PALMD: variants seen among roughly 807,000 people sequenced by gnomAD.
The protein encoded by PALMD is palmdelphin.
A neutral mutation model predicts 56.2 loss-of-function variants in PALMD; 42 were observed. The observed-to-expected ratio is 0.75, with a 90% confidence interval of 0.58 to 0.97. PALMD has a LOEUF of 0.97. Among genes scored for constraint, PALMD ranks in the 50% least tolerant of loss-of-function variants. PALMD has a pLI of 0.00. For synonymous variants in PALMD, 242 were observed against 222.9 expected (o/e 1.09, Z -0.76); for missense variants, 660 against 643.8 (o/e 1.03, Z -0.27).
chr1:99,670,042 A>T (rs1315013611), intron 3 of PALMD, among the ~76,000 whole-genome samples: 1 of 152,238 alleles, frequency 6.6e-6, no homozygotes, highest in Non-Finnish European at 1.5e-5. Flanking sequence ...GATGGCACAC[A>T]GCAGCCTCTG....
rs112834659 is a variant in PALMD at position 99,675,901 on chromosome 1, T to A, written c.251+8135T>A. On this transcript the variant is annotated intron_variant, in intron 3 of 7. Transcript: ENST00000263174. ...AAATTAGGATACTATCATCTGCCCA[T>A]AAGATAATTATTAATATTTGCAGAG... 5.9e-3 allele frequency among the ~76,000 whole-genome samples: 891 copies of A among 152,274 alleles called. 8 individuals are homozygous for A. Among genetic ancestry groups the A allele is most frequent in the African/African-American group, 0.021 (855 of 41,564 alleles).
chr1:99,689,465 C>A lies in PALMD; in HGVS notation c.1205C>A (p.Ser402Tyr), dbSNP rs774542351. The A allele has an allele frequency of 6.2e-7, 1 of 1,613,702 alleles. No individual in the cohort carries two copies. Among genetic ancestry groups the A allele is most frequent in the East Asian group, 2.2e-5 (1 of 44,854 alleles). Residue 402 changes from serine to tyrosine, a missense_variant, in exon 7 of 8, where the codon TCC becomes TAC. By Grantham distance (144) the Ser-to-Tyr change is moderately radical (BLOSUM62 -2). Transcript: ENST00000263174. ...GATGTCAGATATAATATCGTTCATTCCCTGCCTCCAGACATAAATGATACA... is the reference window on the plus strand; with the variant it reads ...GATGTCAGATATAATATCGTTCATTACCTGCCTCCAGACATAAATGATACA... ...EEDVRYNIVH[S>Y]LPPDINDTEP... is the part of the protein sequence containing the mutation.
rs1249594474 is a variant in PALMD at position 99,667,713 on chromosome 1, G to A, written c.198G>A (p.Lys66=). The A allele has an allele frequency of 6.2e-7, 1 of 1,613,454 alleles. No homozygotes were observed. The highest frequency in any genetic ancestry group is 8.5e-7 in the Non-Finnish European group (1 of 1,179,686). Residue 66 remains lysine, a synonymous_variant, in exon 3 of 8, where the codon AAG becomes AAA. Coordinates refer to ENST00000263174, the MANE Select transcript of PALMD (RefSeq NM_017734.5). Reference sequence around the variant, plus strand: ...GAAAAGAACAGGAAGAGATGAAGAAGCAAAATCAACAAGACCAGCACCAGA... The same window carrying A: ...GAAAAGAACAGGAAGAGATGAAGAAACAAAATCAACAAGACCAGCACCAGA... ...SSGKEQEEMK[K]QNQQDQHQIQ...
chr1:99,676,901 C>A (rs1483012035), intron 3 of PALMD, among the ~76,000 whole-genome samples: 1 of 152,128 alleles, frequency 6.6e-6, no homozygotes, highest in Non-Finnish European at 1.5e-5. Context: ...ATATCTTTAA[C>A]CTCTGACCCA....
intron 2 of PALMD, among the ~76,000 whole-genome samples, chr1:99,664,243 A>T (rs1357908102): frequency 6.6e-6 from 1 of 152,208 alleles, no homozygotes; most frequent in Non-Finnish European, 1.5e-5. Flanking sequence ...AATAAACAAG[A>T]TAAATGATAG....
At chr1:99,680,064 C>T (rs1370266816) in intron 3 of PALMD, among the ~76,000 whole-genome samples, 1 of 152,152 alleles carries the variant, frequency 6.6e-6, no homozygotes, top group Admixed American at 6.6e-5. Context: ...TCTGTTTGGC[C>T]CCTAATGGCA....
chr1:99,665,490 T>G (rs1183237749), intron 2 of PALMD, among the ~76,000 whole-genome samples: 2 of 152,192 alleles, frequency 1.3e-5, no homozygotes, highest in Non-Finnish European at 2.9e-5. Context: ...CCACGAGGCA[T>G]AAATGAAAAT....
chr1:99,683,053 A>G (rs1437151474), intron 3 of PALMD, among the ~76,000 whole-genome samples: 1 of 12,440 alleles, frequency 8.0e-5, no homozygotes, highest in African/African-American at 6.7e-4. Context: ...AGAAAGAAAG[A>G]AAGAGAGAGA....
At chr1:99,669,438 AGATCCCGGCATAAGTGGGT>A (rs1204010801) in intron 3 of PALMD, 1 of 152,210 alleles carries the variant, frequency 6.6e-6, no homozygotes, top group Non-Finnish European at 1.5e-5. Flanking sequence ...ATTCTCACCA[AGATCCCGGCATAAGTGGGT>A]GATTACTTTC....
chr1:99,694,154 AGTCC>A lies in PALMD; in HGVS notation c.*93_*96del. On this transcript the variant is annotated 3_prime_UTR_variant, in exon 8 of 8. Coordinates refer to ENST00000263174, the MANE Select transcript of PALMD (RefSeq NM_017734.5). ...TGGATATTTTGTTTATTTTTTCTGA[AGTCC>A]AAAAAATTATCATTACAGTGTACCA... The A allele has an allele frequency of 1.2e-6, 1 of 865,962 alleles. No individual in the cohort carries two copies. Among genetic ancestry groups the A allele is most frequent in the Non-Finnish European group, 1.8e-6 (1 of 544,576 alleles). The allele number at this position is 865,962 out of a possible 1,614,324, so 53.6% of individuals were successfully genotyped here.
chr1:99,690,746 A>G (rs1266006703), intron 7 of PALMD, among the ~76,000 whole-genome samples: 1 of 152,164 alleles, frequency 6.6e-6, no homozygotes, highest in African/African-American at 2.4e-5. Flanking sequence ...TTACCCTGAC[A>G]TACAATTTCT....
At chr1:99,671,425 AG>A (rs138565547) in intron 3 of PALMD, among the ~76,000 whole-genome samples, 2,496 of 152,300 alleles carry the variant, frequency 0.016, 67 homozygotes, top group African/African-American at 0.057. Flanking sequence ...AGACAGTTAT[AG>A]CCACTTCACA....
intron 3 of PALMD, among the ~76,000 whole-genome samples, chr1:99,677,243 T>A (rs1003231153): frequency 3.3e-5 from 5 of 151,060 alleles, no homozygotes; most frequent in Admixed American, 1.3e-4. Flanking sequence ...ATTCTGCAAA[T>A]CAATGAAAAA....
chr1:99,646,480 T>C (rs1248805276), intron 1 of PALMD, 118 bp downstream of exon 1: 3 of 772,768 alleles, frequency 3.9e-6, no homozygotes, highest in East Asian at 2.5e-5. Flanking sequence ...TCAGCCTTCA[T>C]GGACGAGTCT....
chr1:99,668,364 G>A (rs1055193614), intron 3 of PALMD: 2 of 152,196 alleles, frequency 1.3e-5, no homozygotes, highest in African/African-American at 4.8e-5. Context: ...ACCTCTCTGA[G>A]CCTATTTCCT....
At chr1:99,662,281 T>C in intron 1 of PALMD, 38 bp from the exon 2 acceptor site, 1 of 1,126,844 alleles carries the variant, frequency 8.9e-7, no homozygotes, top group Non-Finnish European at 1.3e-6. Flanking sequence ...ATTAAGCAAA[T>C]TTTAAAAATA....
At chr1:99,680,681 A>C (rs951712838) in intron 3 of PALMD, among the ~76,000 whole-genome samples, 22 of 152,280 alleles carry the variant, frequency 1.4e-4, no homozygotes, top group Middle Eastern at 3.4e-3. Context: ...GGCATGTGAA[A>C]GTTAGAGAGT....
intron 3 of PALMD, among the ~76,000 whole-genome samples, chr1:99,671,325 G>A (rs957307501): frequency 6.6e-6 from 1 of 152,092 alleles, no homozygotes; most frequent in Non-Finnish European, 1.5e-5. Flanking sequence ...GTTGCCTCTG[G>A]CATTCAAATC....
At chr1:99,676,868 G>T (rs1366296597) in intron 3 of PALMD, among the ~76,000 whole-genome samples, 2 of 151,968 alleles carry the variant, frequency 1.3e-5, no homozygotes, top group South Asian at 4.2e-4. Flanking sequence ...ACTACCATTG[G>T]CCAAATTATC....
Sources: gnomAD v4.1 joint callset for allele counts (sites outside exome capture counted in the v4.1 genomes callset) on GRCh38, gnomAD v4.1.1 for gene constraint, MANE v1.5 for transcripts, NCBI Gene and HGNC (gene_info 2026-07-23, HGNC 2026-07-21) for gene names.